The following MYO9A variants were observed in gnomAD, a reference collection of about 807,000 sequenced individuals.
The protein encoded by MYO9A is myosin IXA, also known as unconventional myosin-IXa.
Under a neutral mutation model 293.3 loss-of-function variants are expected in MYO9A, and 103 were observed. The observed-to-expected ratio is 0.35, with a 90% CI of 0.30 to 0.41. MYO9A has a LOEUF of 0.41. Among genes scored for constraint, MYO9A ranks in the 10% least tolerant of loss-of-function variants. The pLI, the probability that MYO9A is intolerant of heterozygous loss-of-function variation, is 1.00. For synonymous variants in MYO9A, 1,001 were observed against 1,035.7 expected, an observed-to-expected ratio of 0.97 and a Z score of 0.64; for missense variants, 2,685 against 3,033.0, an observed-to-expected ratio of 0.89 and a Z score of 2.69.
rs543591943 is a variant in MYO9A at position 71,960,142 on chromosome 15, T to C, written c.1987-46A>G. On this transcript the variant is annotated intron_variant, in intron 13 of 41. Coordinates refer to ENST00000356056, the MANE Select transcript of MYO9A (RefSeq NM_006901.4). ...TGTTACTTATGGGAAAAAAAAATTA[T>C]GAAAAACAAGATGACGGGTGATAAC... The C allele has an allele frequency of 3.2e-6, 5 of 1,550,388 alleles. No homozygotes were observed. The East Asian group carries it at 9.0e-5, about 28-fold the overall frequency.
At chr15:71,930,299 C>T (rs774452071) in intron 18 of MYO9A, among the ~76,000 whole-genome samples, 34 of 152,192 alleles carry the variant, frequency 2.2e-4, no homozygotes, top group Admixed American at 8.5e-4. Context: ...AAGTGGGGTA[C>T]TGAAATCCCC....
chr15:71,948,953 A>C (rs57686438), intron 15 of MYO9A, among the ~76,000 whole-genome samples: 114 of 55,452 alleles, frequency 2.1e-3, no homozygotes, highest in Non-Finnish European at 4.5e-3. Flanking sequence ...TTTTTTTGTG[A>C]GGGGGGGGGA....
At chr15:72,118,223 T>C, upstream of MYO9A, 1 of 334,240 alleles carries the variant, frequency 3.0e-6, no homozygotes, top group Admixed American at 5.0e-5. Context: ...GTGACGCCAC[T>C]GGAGAGTACA....
intron 2 of MYO9A, among the ~76,000 whole-genome samples, chr15:72,038,162 A>G (rs2078113734): frequency 6.6e-6 from 1 of 152,104 alleles, no homozygotes; most frequent in South Asian, 2.1e-4. Flanking sequence ...GGCTCAAGTG[A>G]TCCACTCTCC....
Position 71,960,286 on chromosome 15 carries a change from G to A in MYO9A, c.1987-190C>T, listed in dbSNP as rs1675681076. The A allele has an allele frequency of 2.6e-5, 15 of 580,906 alleles. No homozygotes were observed. In the South Asian group the frequency reaches 3.4e-4, roughly 13 times the overall value. 36.0% of individuals were successfully genotyped at this position (580,906 alleles called of 1,614,324 possible). A position where few individuals can be genotyped will look rare whatever the true frequency, so the allele number is the denominator to read the frequency against. On this transcript the variant is annotated intron_variant, in intron 13 of 41. Coordinates refer to ENST00000356056, the MANE Select transcript of MYO9A (RefSeq NM_006901.4). ...GGCAGATCCCTCATGAATGGATTGG[G>A]GCTCTCTTCAAAGTAATGAATGAGT...
At chr15:71,892,987 G>T (rs2057222354) in intron 26 of MYO9A, 2 of 1,282,900 alleles carry the variant, frequency 1.6e-6, no homozygotes, top group Non-Finnish European at 2.0e-6. Flanking sequence ...ACTGTGAGAG[G>T]CCTGACCCAG....
intron 9 of MYO9A, among the ~76,000 whole-genome samples, chr15:71,998,565 C>CTTTTTTTT (rs11443228): frequency 1.4e-5 from 2 of 140,076 alleles, no homozygotes; most frequent in Non-Finnish European, 1.5e-5. Flanking sequence ...TTTTTTTTGT[C>CTTTTTTTT]TTTTTTTTTC....
At chr15:71,830,384 CAA>C in intron 39 of MYO9A, 73 bp from the exon 40 acceptor site, 1 of 1,399,458 alleles carries the variant, frequency 7.1e-7, no homozygotes, top group Non-Finnish European at 1.0e-6. Flanking sequence ...TTTAGGATAA[CAA>C]GTGTATTTCC....
Position 72,032,570 on chromosome 15 carries a change from T to C in MYO9A, c.859A>G (p.Thr287Ala), listed in dbSNP as rs758725202. 6.3e-7 allele frequency: 1 copy of C among 1,595,560 alleles called. No individual in the cohort carries two copies. Among genetic ancestry groups the C allele is most frequent in the Non-Finnish European group, 8.5e-7 (1 of 1,174,028 alleles). ...PVLEAFGNAK[T>A]AHNNNSSRFG... ...CGACTTGAATTGTTATTATGAGCTG[T>C]CTTTGCATTTCCAAAGGCCTGTCAA... Residue 287 changes from threonine (T) to alanine (A), a missense_variant, in exon 3 of 42, where the codon ACA becomes GCA. Coordinates refer to ENST00000356056, the MANE Select transcript of MYO9A (RefSeq NM_006901.4).
chr15:72,006,460 T>A (rs933394422), intron 8 of MYO9A, among the ~76,000 whole-genome samples: 1 of 152,290 alleles, frequency 6.6e-6, no homozygotes, highest in Admixed American at 6.5e-5. Context: ...ACATATTGCA[T>A]GATTCAATTA....
At chr15:71,912,952 T>A (rs1257166151) in intron 19 of MYO9A, among the ~76,000 whole-genome samples, 2 of 152,104 alleles carry the variant, frequency 1.3e-5, no homozygotes, top group African/African-American at 4.8e-5. Context: ...ATATAATGTG[T>A]CTTGGTGTGT....
At chr15:71,891,564 T>C (rs2057179456) in intron 26 of MYO9A, 1 of 152,214 alleles carries the variant, frequency 6.6e-6, no homozygotes, top group Non-Finnish European at 1.5e-5. Flanking sequence ...ATTTCCTTAT[T>C]TATAACTCAA....
chr15:72,047,331 A>G lies in MYO9A; in HGVS notation c.-71-697T>C, dbSNP rs138081619. ...ACAACTAGGCACCACTACAAATTTT[A>G]TTCAGCTTCCCTTTTTCCTTCAATG... On this transcript the variant is annotated intron_variant, in intron 1 of 41. Coordinates refer to ENST00000356056, the MANE Select transcript of MYO9A (RefSeq NM_006901.4). Among the ~76,000 whole-genome samples, 142 of 152,332 alleles carry G rather than the reference A, an allele frequency of 9.3e-4. 1 individual carries two copies. The highest frequency in any genetic ancestry group is 3.4e-3 in the Middle Eastern group (1 of 294).
At chr15:71,977,855 G>A (rs2076181494) in intron 12 of MYO9A, among the ~76,000 whole-genome samples, 1 of 152,092 alleles carries the variant, frequency 6.6e-6, no homozygotes, top group Non-Finnish European at 1.5e-5. Context: ...GGCTAACACG[G>A]TGAAACCCCG....
chr15:72,051,711 C>T (rs2078570521), intron 1 of MYO9A, among the ~76,000 whole-genome samples: 1 of 152,166 alleles, frequency 6.6e-6, no homozygotes, highest in African/African-American at 2.4e-5. Flanking sequence ...ATACACCAGC[C>T]CCCTGCCACC....
rs555449520 is a variant in MYO9A at position 72,086,972 on chromosome 15, G to A, written c.-72+30708C>T. 2.0e-5 allele frequency among the ~76,000 whole-genome samples: 3 copies of A among 152,230 alleles called. No individual in the cohort carries two copies. The South Asian group carries it at 6.2e-4, about 32-fold the overall frequency. ...GTACAGACGGGATTTCTTCATGTTG[G>A]TCAGGTTGGTGTCAAACTCCCGACC... is the stretch of plus-strand genomic sequence containing the variant. On this transcript the variant is annotated intron_variant, in intron 1 of 41. Coordinates refer to ENST00000356056, the MANE Select transcript of MYO9A (RefSeq NM_006901.4).
chr15:71,843,436 TA>T (rs1434469748), intron 39 of MYO9A, among the ~76,000 whole-genome samples: 55 of 152,074 alleles, frequency 3.6e-4, no homozygotes, highest in Non-Finnish European at 6.5e-4. Flanking sequence ...GTCTCAAAAA[TA>T]AAGTAAATAA....
In MYO9A at chr15:71,892,835, G is replaced by A. The variant is rs2057217503; in HGVS notation, c.5142+844C>T. On this transcript the variant is annotated intron_variant, in intron 26 of 41. Transcript: ENST00000356056. ...TATTAAATTAAGGTTTAGCTTAGTT[G>A]CTGTGTTCACTGAGGTTTCCCATGC... is the stretch of plus-strand genomic sequence containing the variant. The A allele has an allele frequency of 1.1e-5, 5 of 459,690 alleles. No homozygotes were observed. The South Asian group carries it at 1.3e-4, about 12-fold the overall frequency. The allele number at this position is 459,690 out of a possible 1,614,324, so 28.5% of individuals were successfully genotyped here.
intron 36 of MYO9A, among the ~76,000 whole-genome samples, chr15:71,851,750 C>T (rs998900751): frequency 6.6e-6 from 1 of 152,128 alleles, no homozygotes; most frequent in Non-Finnish European, 1.5e-5. Context: ...AACTCTGAAA[C>T]CTGTTAAGCT....
Sources: allele counts gnomAD v4.1 joint callset (sites outside exome capture counted in the v4.1 genomes callset), GRCh38; gene constraint gnomAD v4.1.1; transcripts MANE v1.5; gene names NCBI Gene and HGNC (gene_info 2026-07-23, HGNC 2026-07-21).